ATP2B4: variants seen among roughly 807,000 people sequenced by gnomAD.
ATP2B4 encodes plasma membrane calcium-transporting ATPase 4.
ATP2B4 carries 39 observed loss-of-function variants against 110.3 expected under a neutral mutation model. That is an observed-to-expected ratio of 0.35 (90% CI 0.27 to 0.46). The LOEUF (loss-of-function observed/expected upper bound fraction) is 0.46, where lower values mean the gene tolerates loss of function less well. Ranked by LOEUF, ATP2B4 falls within the 20% of genes least tolerant of loss-of-function variation. ATP2B4 has a pLI of 1.00. For missense variants in ATP2B4, 1,135 were observed against 1,530.9 expected, an observed-to-expected ratio of 0.74 and a Z score of 4.32; for synonymous variants, 538 against 571.7, an observed-to-expected ratio of 0.94 and a Z score of 0.84.
chr1:203,724,865 C>CTCTTTTTTTTTTTTTTTTTTT lies in ATP2B4; in HGVS notation c.3132+878_3132+879insCTTTTTTTTTTTTTTTTTTTT, dbSNP rs1214526316. On this transcript the variant is annotated intron_variant, in intron 19 of 20. Transcript: ENST00000357681. ...ACTGCCTGGGTTTGAATCCAGCTCT[C>CTCTTTTTTTTTTTTTTTTTTT]TGTTTTTTTTTTTTTTTTTTTTTTT... Among the ~76,000 whole-genome samples the CTCTTTTTTTTTTTTTTTTTTT allele has an allele frequency of 6.9e-5, 7 of 101,454 alleles. 3 individuals carry two copies. The highest frequency in any genetic ancestry group is 9.4e-5 in the Non-Finnish European group (5 of 53,392). 66.6% of individuals were successfully genotyped at this position (101,454 alleles called of 152,430 possible). A position where few individuals can be genotyped will look rare whatever the true frequency, so the allele number is the denominator to read the frequency against.
intron 7 of ATP2B4, among the ~76,000 whole-genome samples, chr1:203,703,164 C>CGAGAGAGAGAGAGAGAGA (rs144760902): frequency 1.4e-4 from 21 of 145,248 alleles, no homozygotes; most frequent in African/African-American, 5.3e-4. Flanking sequence ...CCCTGACAAT[C>CGAGAGAGAGAGAGAGAGA]GAGAGAGAGA....
Position 203,677,286 on chromosome 1 carries a change from A to G in ATP2B4, c.-464-5456A>G, listed in dbSNP as rs182324551. Among the ~76,000 whole-genome samples, 17 of 152,286 alleles carry G rather than the reference A, an allele frequency of 1.1e-4. No homozygotes were observed. The East Asian group carries it at 2.7e-3, about 24-fold the overall frequency. ...CTAATTTTCATATGAAGTACCTAGT[A>G]TGACTCCTAGCACATGGTAGGTGCT... On this transcript the variant is annotated intron_variant, in intron 1 of 20. Coordinates refer to ENST00000357681, the MANE Select transcript of ATP2B4 (RefSeq NM_001684.5).
intron 1 of ATP2B4, among the ~76,000 whole-genome samples, chr1:203,674,755 C>T (rs762283924): frequency 6.7e-5 from 10 of 148,624 alleles, no homozygotes; most frequent in Non-Finnish European, 1.3e-4. Context: ...CTCCCGGGTT[C>T]AAGCAACTCT....
chr1:203,687,116 A>T (rs189258213), intron 2 of ATP2B4, among the ~76,000 whole-genome samples: 12 of 151,118 alleles, frequency 7.9e-5, no homozygotes, highest in Non-Finnish European at 4.4e-5. Context: ...TGTAAGAGTT[A>T]CCATAGGGCT....
At chr1:203,727,174 G>A (rs1184509754) in intron 19 of ATP2B4, among the ~76,000 whole-genome samples, 3 of 152,206 alleles carry the variant, frequency 2.0e-5, no homozygotes, top group African/African-American at 7.2e-5. Context: ...TCTCTTTTGT[G>A]TGTGTCCATA....
chr1:203,697,281 GAC>G (rs1289890460), intron 2 of ATP2B4, among the ~76,000 whole-genome samples: 1 of 152,008 alleles, frequency 6.6e-6, no homozygotes, highest in Non-Finnish European at 1.5e-5. Flanking sequence ...TTAGAATTAG[GAC>G]ACATGTGTGG....
intron 1 of ATP2B4, among the ~76,000 whole-genome samples, chr1:203,677,918 C>T (rs1036082887): frequency 6.6e-6 from 1 of 152,214 alleles, no homozygotes; most frequent in Non-Finnish European, 1.5e-5. Flanking sequence ...CCGGCTTGCT[C>T]CTGAGCAGAG....
intron 20 of ATP2B4, among the ~76,000 whole-genome samples, chr1:203,735,410 GTT>G (rs745886760): frequency 1.3e-5 from 2 of 152,188 alleles, no homozygotes; most frequent in Non-Finnish European, 2.9e-5. Context: ...GTGGGAAGGA[GTT>G]TATCTGTATT....
At chr1:203,712,611 G>T (rs1039633681) in intron 13 of ATP2B4, among the ~76,000 whole-genome samples, 3 of 151,442 alleles carry the variant, frequency 2.0e-5, no homozygotes, top group Admixed American at 6.6e-5. Context: ...AAAAAAAGAG[G>T]GGGGGAGTTG....
chr1:203,700,114 C>A, intron 4 of ATP2B4, 92 bp from the exon 5 acceptor site: 6 of 1,451,190 alleles, frequency 4.1e-6, no homozygotes, highest in Non-Finnish European at 5.6e-6. Context: ...TGGGAACAGC[C>A]ATGAGATAGG....
rs886637560 is a variant in ATP2B4 at position 203,742,182 on chromosome 1, G to T, written c.*2328G>T. ...TTTAAAGGATTTAAAATAAAGTGCC[G>T]TCATGTAGCCCTGTGGAAGGGAGCA... On this transcript the variant is annotated 3_prime_UTR_variant, in exon 21 of 21. Coordinates refer to ENST00000357681, the MANE Select transcript of ATP2B4 (RefSeq NM_001684.5). 1 of 152,578 alleles carries T rather than the reference G, an allele frequency of 6.6e-6. No homozygotes were observed. The highest frequency in any genetic ancestry group is 1.5e-5 in the Non-Finnish European group (1 of 68,038). The allele number at this position is 152,578 out of a possible 1,614,324, so 9.5% of individuals were successfully genotyped here. A position where few individuals can be genotyped will look rare whatever the true frequency, so the allele number is the denominator to read the frequency against.
chr1:203,699,824 A>C, intron 4 of ATP2B4, 107 bp downstream of exon 4: 1 of 1,511,826 alleles, frequency 6.6e-7, no homozygotes, highest in Non-Finnish European at 8.9e-7. Context: ...AAAAGATAAG[A>C]TCCAAAATTG....
Position 203,739,741 on chromosome 1 carries a change from T to C in ATP2B4, c.3505T>C (p.Leu1169=), listed in dbSNP as rs1439094478. The C allele has an allele frequency of 6.2e-7, 1 of 1,614,170 alleles. No homozygotes were observed. Among genetic ancestry groups the C allele is most frequent in the Admixed American group, 1.7e-5 (1 of 60,012 alleles). ...TAAGTTTGGGACTAGGGTGCTCCTG[T>C]TGGATGGTGAGGTCACTCCATATGC... ...ASKFGTRVLL[L]DGEVTPYANT... The change falls in exon 21 of 21, where the codon TTG becomes CTG. Residue 1169 remains leucine, a synonymous_variant. Coordinates refer to ENST00000357681, the MANE Select transcript of ATP2B4 (RefSeq NM_001684.5).
intron 20 of ATP2B4, chr1:203,729,672 A>C: frequency 1.6e-6 from 2 of 1,257,438 alleles, no homozygotes; most frequent in South Asian, 2.3e-5. Flanking sequence ...TGCCTCACCT[A>C]TCCAGGGCGA....
At position 203,711,937 on chromosome 1, in the gene ATP2B4, T is replaced by G; in HGVS notation, c.2032-23T>G. On this transcript the variant is annotated intron_variant, in intron 12 of 20. Coordinates refer to ENST00000357681, the MANE Select transcript of ATP2B4 (RefSeq NM_001684.5). ...GGGTCATCACCCTCATCTGCGCCTT[T>G]CCCCTTTCTTCACTCTCCATAGGTG... The G allele has an allele frequency of 1.9e-6, 3 of 1,611,420 alleles. No individual in the cohort carries two copies. The Admixed American group carries it at 5.0e-5, about 27-fold the overall frequency.
At chr1:203,714,407 T>G in intron 15 of ATP2B4, 130 bp downstream of exon 15, 1 of 827,976 alleles carries the variant, frequency 1.2e-6, no homozygotes, top group South Asian at 1.5e-5. Flanking sequence ...CAACTCCATC[T>G]CTCCTATCTA....
intron 1 of ATP2B4, among the ~76,000 whole-genome samples, chr1:203,646,552 TCAGTGTTCAAGAC>T (rs1663806695): frequency 6.6e-6 from 1 of 151,934 alleles, no homozygotes. Flanking sequence ...TCACCTGAGG[TCAGTGTTCAAGAC>T]CAGCCTGGTT....
intron 20 of ATP2B4, among the ~76,000 whole-genome samples, chr1:203,738,282 C>G (rs1043931423): frequency 6.6e-6 from 1 of 151,948 alleles, no homozygotes; most frequent in African/African-American, 2.4e-5. Context: ...CTCCAACCCT[C>G]TCCCCCTACC....
chr1:203,649,904 G>A (rs1663925082), intron 1 of ATP2B4, among the ~76,000 whole-genome samples: 1 of 152,166 alleles, frequency 6.6e-6, no homozygotes, highest in South Asian at 2.1e-4. Flanking sequence ...CCACTCTGGG[G>A]CCCAGGGTCC....
Sources: gnomAD v4.1 joint callset for allele counts (sites outside exome capture counted in the v4.1 genomes callset) on GRCh38, gnomAD v4.1.1 for gene constraint, MANE v1.5 for transcripts, NCBI Gene and HGNC (gene_info 2026-07-23, HGNC 2026-07-21) for gene names.